The following NAA11 variants were observed in gnomAD, a reference collection of about 807,000 sequenced individuals.
NAA11 encodes the protein N-alpha-acetyltransferase 11.
Under a neutral mutation model 16.1 loss-of-function variants are expected in NAA11, and 15 were observed. The ratio of observed to expected loss-of-function variants is 0.93; its 90% CI spans 0.62 to 1.44. NAA11 has a LOEUF of 1.44. Ranked by LOEUF, NAA11 falls within the 40% of genes most tolerant of loss-of-function variation. NAA11 has a pLI of 0.00. For synonymous variants in NAA11, 122 were observed against 112.4 expected (o/e 1.09, Z -0.54); for missense variants, 298 against 291.3 (o/e 1.02, Z -0.17).
At chr4:79,296,138 A>C (rs912010707) in intron 1 of NAA11, among the ~76,000 whole-genome samples, 1 of 152,254 alleles carries the variant, frequency 6.6e-6, no homozygotes, top group African/African-American at 2.4e-5. Flanking sequence ...AAGTAGAAGT[A>C]GCAAATATAT....
intron 2 of NAA11, among the ~76,000 whole-genome samples, chr4:79,264,508 A>G (rs1052295459): frequency 2.0e-5 from 3 of 152,076 alleles, no homozygotes; most frequent in Non-Finnish European, 4.4e-5. Context: ...TGTCTTTCAC[A>G]TACTTTCTTC....
At chr4:79,223,646 T>TA (rs11348185), downstream of NAA11, among the ~76,000 whole-genome samples, 29,593 of 145,586 alleles carry the variant, frequency 0.2, 3,172 homozygotes, top group Middle Eastern at 0.28. Flanking sequence ...AAAGTATAAT[T>TA]AAAAAAAAAA....
At chr4:79,222,058 T>C (rs1440832954), downstream of NAA11, among the ~76,000 whole-genome samples, 3 of 150,422 alleles carry the variant, frequency 2.0e-5, no homozygotes, top group Non-Finnish European at 3.0e-5. Context: ...TCAGCTCCTG[T>C]TATTGGTCTA....
At chr4:79,210,130 G>A in the NAA11 span, among the ~76,000 whole-genome samples, 5 of 152,298 alleles carry the variant, frequency 3.3e-5, no homozygotes, top group East Asian at 9.6e-4. Flanking sequence ...CAACAAGGCT[G>A]TTGATTCACT....
the NAA11 span, among the ~76,000 whole-genome samples, chr4:79,187,321 A>G: frequency 6.6e-6 from 1 of 152,230 alleles, no homozygotes; most frequent in Non-Finnish European, 1.5e-5. Flanking sequence ...GAGTGCAAAT[A>G]GCTGCATGTC....
At position 79,325,979 on chromosome 4, in the gene NAA11, C is replaced by G. The variant is rs894532153; in HGVS notation, c.-102G>C. On this transcript the variant is annotated 5_prime_UTR_variant, in exon 1 of 2. Transcript: ENST00000286794. ...TGCCTCAGGAATCGAGTCCAGGGGG[C>G]TAACACCACCGGGCTGAATCGTGTG... 16 of 973,234 alleles carry G rather than the reference C, an allele frequency of 1.6e-5. No homozygotes were observed. In the Admixed American group the frequency reaches 2.7e-4, roughly 16 times the overall value. The allele number at this position is 973,234 out of a possible 1,614,324, so 60.3% of individuals were successfully genotyped here. A position where few individuals can be genotyped will look rare whatever the true frequency, so the allele number is the denominator to read the frequency against.
chr4:79,170,306 G>T, the NAA11 span, among the ~76,000 whole-genome samples: 1 of 152,146 alleles, frequency 6.6e-6, no homozygotes, highest in East Asian at 1.9e-4. Context: ...TACAAATTAT[G>T]TCACCAGTCT....
chr4:79,215,438 C>T, the NAA11 span, among the ~76,000 whole-genome samples: 2 of 152,172 alleles, frequency 1.3e-5, no homozygotes, highest in East Asian at 1.9e-4. Flanking sequence ...TCCAGTCCCC[C>T]CTAAAAAGAA....
chr4:79,236,594 A>C (rs564365250), intron 2 of NAA11, among the ~76,000 whole-genome samples: 4 of 152,268 alleles, frequency 2.6e-5, no homozygotes, highest in East Asian at 3.9e-4. Context: ...ATTTGAAAAA[A>C]ATTTATGAGT....
chr4:79,272,712 A>C (rs1239180079), intron 2 of NAA11, among the ~76,000 whole-genome samples: 1 of 152,060 alleles, frequency 6.6e-6, no homozygotes, highest in African/African-American at 2.4e-5. Flanking sequence ...CATAGAAAGT[A>C]AGGTGGGGGC....
chr4:79,241,442 G>T (rs1276671763), intron 2 of NAA11, among the ~76,000 whole-genome samples: 1 of 152,166 alleles, frequency 6.6e-6, no homozygotes, highest in Non-Finnish European at 1.5e-5. Flanking sequence ...TGGAGGGTTG[G>T]CACCTCTAAC....
the NAA11 span, among the ~76,000 whole-genome samples, chr4:79,218,195 G>C: frequency 1.3e-5 from 2 of 152,086 alleles, no homozygotes; most frequent in Non-Finnish European, 2.9e-5. Context: ...ATACAGATCA[G>C]TATCATGTGT....
At chr4:79,259,319 C>T (rs999982923) in intron 2 of NAA11, among the ~76,000 whole-genome samples, 13 of 152,148 alleles carry the variant, frequency 8.5e-5, no homozygotes, top group Admixed American at 3.9e-4. Context: ...AGCTTCTGGG[C>T]GTCACCACAT....
chr4:79,301,843 T>C (rs527400552), intron 1 of NAA11, among the ~76,000 whole-genome samples: 42 of 152,328 alleles, frequency 2.8e-4, no homozygotes, highest in African/African-American at 1.0e-3. Context: ...TAATTTTATC[T>C]TACAATTTAT....
the NAA11 span, among the ~76,000 whole-genome samples, chr4:79,158,532 C>A: frequency 6.6e-6 from 1 of 151,992 alleles, no homozygotes; most frequent in South Asian, 2.1e-4. Context: ...AATGAACATA[C>A]TGCCAAAAGC....
chr4:79,181,240 A>AG, the NAA11 span, among the ~76,000 whole-genome samples: 2 of 152,002 alleles, frequency 1.3e-5, no homozygotes, highest in African/African-American at 4.8e-5. Flanking sequence ...AAAAAAAAAA[A>AG]AAAGCCATAC....
At chr4:79,252,667 G>GT (rs1722021966) in intron 2 of NAA11, among the ~76,000 whole-genome samples, 2 of 152,130 alleles carry the variant, frequency 1.3e-5, no homozygotes, top group African/African-American at 2.4e-5. Context: ...TCTGAGGGAA[G>GT]TATGTCCAAA....
At chr4:79,167,564 A>G in the NAA11 span, among the ~76,000 whole-genome samples, 46 of 152,094 alleles carry the variant, frequency 3.0e-4, no homozygotes, top group Non-Finnish European at 5.6e-4. Context: ...AAGTTTCCTA[A>G]TATGTGGTAG....
chr4:79,238,087 T>G (rs956724663), intron 2 of NAA11, among the ~76,000 whole-genome samples: 2 of 152,164 alleles, frequency 1.3e-5, no homozygotes, highest in Admixed American at 1.3e-4. Context: ...AGAACAAATC[T>G]TTTTCACCTT....
Sources: allele counts gnomAD v4.1 joint callset (sites outside exome capture counted in the v4.1 genomes callset), GRCh38; gene constraint gnomAD v4.1.1; transcripts MANE v1.5; gene names NCBI Gene and HGNC (gene_info 2026-07-23, HGNC 2026-07-21).